The following IQCH variants were observed in gnomAD, a reference collection of about 807,000 sequenced individuals.
IQCH encodes IQ domain-containing protein H.
Under a neutral mutation model 117.0 loss-of-function variants are expected in IQCH, and 98 were observed. The ratio of observed to expected loss-of-function variants is 0.84; its 90% CI spans 0.71 to 0.99. The LOEUF (loss-of-function observed/expected upper bound fraction) is 0.99, where lower values mean the gene tolerates loss of function less well. Ranked by LOEUF, IQCH falls within the 50% of genes least tolerant of loss-of-function variation. The pLI, the probability that IQCH is intolerant of heterozygous loss-of-function variation, is 0.00. For missense variants in IQCH, 1,102 were observed against 1,243.8 expected (o/e 0.89, Z 1.72); for synonymous variants, 412 against 448.2 (o/e 0.92, Z 1.02).
intron 4 of IQCH, among the ~76,000 whole-genome samples, chr15:67,328,745 A>G (rs1201069767): frequency 6.6e-6 from 1 of 152,244 alleles, no homozygotes; most frequent in Non-Finnish European, 1.5e-5. Flanking sequence ...ACACAATAAC[A>G]TGGTGAATCT....
At chr15:67,320,518 G>A (rs1968067033) in intron 4 of IQCH, among the ~76,000 whole-genome samples, 1 of 152,082 alleles carries the variant, frequency 6.6e-6, no homozygotes, top group African/African-American at 2.4e-5. Context: ...TAAAATTTCT[G>A]TTGGAATGCC....
At chr15:67,477,694 ATCTAAC>A in intron 18 of IQCH, among the ~76,000 whole-genome samples, 1 of 152,334 alleles carries the variant, frequency 6.6e-6, no homozygotes, top group Non-Finnish European at 1.5e-5. Flanking sequence ...AAGTGGCTAA[ATCTAAC>A]TCTAGGTTTA....
rs1971246021 is a variant in IQCH, at chr15:67,390,393, T to C, written c.1632+1387T>C. Among the ~76,000 whole-genome samples the C allele has an allele frequency of 6.6e-6, 1 of 152,120 alleles. No individual in the cohort carries two copies. The highest frequency in any genetic ancestry group is 1.5e-5 in the Non-Finnish European group (1 of 68,020). Reference sequence around the variant, plus strand: ...AGTTTCTGCACATCTGAAATGCCCATATACATTAAAGAGGCATAGAATGGG... The same window carrying C: ...AGTTTCTGCACATCTGAAATGCCCACATACATTAAAGAGGCATAGAATGGG... On this transcript the variant is annotated intron_variant, in intron 12 of 20. Coordinates refer to ENST00000335894, the MANE Select transcript of IQCH (RefSeq NM_001031715.3). The surrounding 1 kb of genome is among the most constrained non-coding windows in gnomAD (Gnocchi z 5.0).
chr15:67,311,680 T>C (rs567978179), intron 4 of IQCH, among the ~76,000 whole-genome samples: 1 of 151,772 alleles, frequency 6.6e-6, no homozygotes, highest in South Asian at 2.1e-4. Flanking sequence ...TATATATGTT[T>C]TGACATACAC....
intron 1 of IQCH, among the ~76,000 whole-genome samples, chr15:67,259,469 T>C (rs1175280556): frequency 1.3e-5 from 2 of 152,268 alleles, no homozygotes; most frequent in Non-Finnish European, 2.9e-5. Context: ...TAATAAGTGA[T>C]AGAGCTAGAC....
chr15:67,355,336 C>G (rs2140729318), intron 6 of IQCH, among the ~76,000 whole-genome samples: 1 of 152,136 alleles, frequency 6.6e-6, no homozygotes, highest in Middle Eastern at 3.4e-3. Context: ...CCTGTAATGC[C>G]AGCACTTTGG....
rs145023490 is a variant in IQCH at position 67,257,929 on chromosome 15, T to C, written c.51+2982T>C. Among the ~76,000 whole-genome samples the C allele has an allele frequency of 1.2e-4, 19 of 152,294 alleles. No homozygotes were observed. In the East Asian group the frequency reaches 3.3e-3, roughly 26 times the overall value. On this transcript the variant is annotated intron_variant, in intron 1 of 20. Coordinates refer to ENST00000335894, the MANE Select transcript of IQCH (RefSeq NM_001031715.3). The stretch of plus-strand genomic sequence containing the variant: ...TGTCTGATTTGTCAGGTGCATACAA[T>C]ATAAAAATGAATGAAGTTGGCCAGG...
At chr15:67,340,436 A>AC (rs1969104222) in intron 5 of IQCH, among the ~76,000 whole-genome samples, 1 of 118,420 alleles carries the variant, frequency 8.4e-6, no homozygotes, top group African/African-American at 3.4e-5. Flanking sequence ...CAAAAAAAAA[A>AC]AAAAAAAAAA....
At position 67,395,039 on chromosome 15, in the gene IQCH, G is replaced by T. The variant is rs1435988155; in HGVS notation, c.1633-252G>T. ...CCTTCTGACAGAAGGATAATTCCAC[G>T]TGGATCAAATAAATACAGACGTGTA... On this transcript the variant is annotated intron_variant, in intron 12 of 20. Transcript: ENST00000335894. The surrounding 1 kb of genome is among the most constrained non-coding windows in gnomAD (Gnocchi z 4.0). 6.6e-6 allele frequency among the ~76,000 whole-genome samples: 1 copy of T among 152,022 alleles called. No homozygotes were observed. Among genetic ancestry groups the T allele is most frequent in the Non-Finnish European group, 1.5e-5 (1 of 68,024 alleles).
chr15:67,487,143 A>C (rs1223763478), intron 18 of IQCH, among the ~76,000 whole-genome samples: 1 of 152,140 alleles, frequency 6.6e-6, no homozygotes, highest in Non-Finnish European at 1.5e-5. Context: ...GACTAGCCTG[A>C]CCAACATGGT....
intron 4 of IQCH, among the ~76,000 whole-genome samples, chr15:67,297,507 A>G (rs1195814636): frequency 6.6e-6 from 1 of 152,144 alleles, no homozygotes; most frequent in African/African-American, 2.4e-5. Context: ...ATTTTCTGTT[A>G]TATAATCTCA....
rs2083336625 is a variant in IQCH at position 67,481,475 on chromosome 15, C to A, written c.2799+5657C>A. 2.0e-5 allele frequency among the ~76,000 whole-genome samples: 3 copies of A among 152,172 alleles called. No individual in the cohort carries two copies. The highest frequency in any genetic ancestry group is 2.9e-5 in the Non-Finnish European group (2 of 68,026). On this transcript the variant is annotated intron_variant, in intron 18 of 20. Transcript: ENST00000335894. The surrounding 1 kb of genome is among the most constrained non-coding windows in gnomAD (Gnocchi z 4.1). ...AACCACCCCCATGGTTCAGTTACCT[C>A]CCACTGCGTTCCTCCCATGACACGT... is the stretch of plus-strand genomic sequence containing the variant.
At position 67,367,041 on chromosome 15, in the gene IQCH, C is replaced by T. The variant is rs146812683; in HGVS notation, c.754-5070C>T. Among the ~76,000 whole-genome samples the T allele has an allele frequency of 6.3e-4, 96 of 152,096 alleles. 1 individual carries two copies. The highest frequency in any genetic ancestry group is 4.3e-3 in the Admixed American group (66 of 15,284). On this transcript the variant is annotated intron_variant, in intron 8 of 20. Coordinates refer to ENST00000335894, the MANE Select transcript of IQCH (RefSeq NM_001031715.3). ...GGGGTGACACATTAAGTCAGAGAGGCGTAGGGTATCAAAATTAGAAGTGCC... is the reference window on the plus strand; with the variant it reads ...GGGGTGACACATTAAGTCAGAGAGGTGTAGGGTATCAAAATTAGAAGTGCC...
Position 67,435,007 on chromosome 15 carries a change from T to A in IQCH, c.2505+13430T>A, listed in dbSNP as rs7495021. On this transcript the variant is annotated intron_variant, in intron 16 of 20. Coordinates refer to ENST00000335894, the MANE Select transcript of IQCH (RefSeq NM_001031715.3). ...TCTTTGTTTTTTTTTTAATTTTTTT[T>A]AATTTTTTTAAGCTAATTTTTGTAT... Among the ~76,000 whole-genome samples the A allele has an allele frequency of 8.1e-4, 118 of 144,988 alleles. No homozygotes were observed. The East Asian group carries it at 0.017, about 21-fold the overall frequency.
chr15:67,298,274 A>G (rs1164388191), intron 4 of IQCH, among the ~76,000 whole-genome samples: 3 of 150,214 alleles, frequency 2.0e-5, no homozygotes, highest in Non-Finnish European at 4.4e-5. Context: ...CATCACTTGC[A>G]CTCTCAGCCT....
rs377576608 is a variant in IQCH at position 67,496,326 on chromosome 15, T to G, written c.2970+1960T>G. 6.6e-6 allele frequency among the ~76,000 whole-genome samples: 1 copy of G among 152,236 alleles called. No homozygotes were observed. The highest frequency in any genetic ancestry group is 2.1e-4 in the South Asian group (1 of 4,826). On this transcript the variant is annotated intron_variant, in intron 20 of 20. Coordinates refer to ENST00000335894, the MANE Select transcript of IQCH (RefSeq NM_001031715.3). This position sits in a 1 kb window ranked among gnomAD's most constrained non-coding sequence, Gnocchi z 4.4. The stretch of plus-strand genomic sequence containing the variant: ...AATGCAGAAAATGCATTTAACAAAA[T>G]GTAACATTCTTTTCTGATAAAAACA...
chr15:67,318,441 TTTA>T (rs1967953590), intron 4 of IQCH, among the ~76,000 whole-genome samples: 1 of 152,174 alleles, frequency 6.6e-6, no homozygotes, highest in South Asian at 2.1e-4. Flanking sequence ...AAGGAAAATG[TTTA>T]TAAGTATGCC....
In IQCH at chr15:67,494,301, C is replaced by G. The variant is rs1381999442; in HGVS notation, c.2905C>G (p.Arg969Gly). Residue 969 changes from arginine to glycine, a missense_variant, in exon 20 of 21, where the codon CGC becomes GGC. Physicochemically the swap from Arg to Gly is moderately radical, Grantham distance 125 (BLOSUM62 -2). Around this residue, in one of 2 missense-constraint regions of IQCH, gnomAD observed 650 missense variants for 794.3 expected, o/e 0.82. Coordinates refer to ENST00000335894, the MANE Select transcript of IQCH (RefSeq NM_001031715.3). The surrounding 1 kb of genome is among the most constrained non-coding windows in gnomAD (Gnocchi z 5.5). ...CCAGGGGGTCCTCATGACCTTTGCT[C>G]GCCATCTCTTCATCATCCATCAAGA... Reference protein sequence around the residue: ...DLQGVLMTFARHLFIIHQEIS... With the variant: ...DLQGVLMTFAGHLFIIHQEIS... 1 of 1,613,220 alleles carries G rather than the reference C, an allele frequency of 6.2e-7. No homozygotes were observed. The highest frequency in any genetic ancestry group is 1.1e-5 in the South Asian group (1 of 90,776).
At chr15:67,429,033 A>G (rs550661567) in intron 16 of IQCH, among the ~76,000 whole-genome samples, 93 of 152,340 alleles carry the variant, frequency 6.1e-4, no homozygotes, top group African/African-American at 2.2e-3. Context: ...TAGAGTCTCC[A>G]GGAGGAACAA....
Sources: allele counts gnomAD v4.1 joint callset (sites outside exome capture counted in the v4.1 genomes callset), GRCh38; gene constraint gnomAD v4.1.1; regional missense constraint gnomAD v4.1.1; non-coding constraint Gnocchi (gnomAD v3.1); transcripts MANE v1.5; gene names NCBI Gene and HGNC (gene_info 2026-07-23, HGNC 2026-07-21).